NEBL: variants seen among roughly 807,000 people sequenced by gnomAD.
NEBL encodes the protein nebulette, also known as LIM and SH3 protein 2.
A neutral mutation model predicts 140.2 loss-of-function variants in NEBL; 122 were observed. The observed-to-expected ratio is 0.87, with a 90% CI of 0.75 to 1.01. The LOEUF is 1.01. Ranked by LOEUF, NEBL falls within the 50% of genes least tolerant of loss-of-function variation. The pLI is 0.00. For missense variants in NEBL, 1,365 were observed against 1,231.3 expected (o/e 1.11, Z -1.62); for synonymous variants, 436 against 398.9 (o/e 1.09, Z -1.11).
At chr10:21,147,438 G>A (rs1405905298) in intron 2 of NEBL, among the ~76,000 whole-genome samples, 1 of 148,540 alleles carries the variant, frequency 6.7e-6, no homozygotes, top group East Asian at 2.0e-4. Context: ...CAAAGGAGGA[G>A]CCTCCCTTCA....
chr10:20,809,969 C>T, intron 24 of NEBL, 71 bp from the exon 25 acceptor site: 1 of 908,344 alleles, frequency 1.1e-6, no homozygotes, highest in African/African-American at 1.7e-5. Flanking sequence ...AAAAAAAAGC[C>T]AGTACCCAAA....
intron 2 of NEBL, chr10:21,126,127 T>C (rs1838819806): frequency 6.2e-7 from 1 of 1,602,292 alleles, no homozygotes; most frequent in Non-Finnish European, 8.5e-7. Context: ...ACCAGGCCTA[T>C]GGGATAAAGT....
chr10:21,042,094 C>G (rs1834295564), intron 2 of NEBL, among the ~76,000 whole-genome samples: 1 of 152,178 alleles, frequency 6.6e-6, no homozygotes. Flanking sequence ...CATCCTGTGA[C>G]TAAGAATGCC....
chr10:21,274,651 C>T (rs1316969408), intron 1 of NEBL, among the ~76,000 whole-genome samples: 1 of 152,098 alleles, frequency 6.6e-6, no homozygotes, highest in Non-Finnish European at 1.5e-5. Context: ...GTCTCGAACC[C>T]CTGGCCTCAA....
intron 2 of NEBL, among the ~76,000 whole-genome samples, chr10:21,108,632 T>C (rs1837829151): frequency 6.6e-6 from 1 of 152,186 alleles, no homozygotes; most frequent in Non-Finnish European, 1.5e-5. Flanking sequence ...GAAGAATGTA[T>C]ATTCAATTGA....
intron 2 of NEBL, chr10:21,030,508 G>A: frequency 1.2e-6 from 1 of 814,222 alleles, no homozygotes; most frequent in Non-Finnish European, 2.1e-6. Flanking sequence ...CACCAAAGGA[G>A]AATGCTTGGT....
chr10:21,086,583 G>A (rs939577733), intron 2 of NEBL, among the ~76,000 whole-genome samples: 1 of 152,132 alleles, frequency 6.6e-6, no homozygotes, highest in Non-Finnish European at 1.5e-5. Context: ...TTTGAGACCA[G>A]CCAGAGCAAC....
At position 20,939,566 on chromosome 10, in the gene NEBL, T is replaced by A. The variant is rs568647507; in HGVS notation, c.357+22106A>T. On this transcript the variant is annotated intron_variant, in intron 4 of 6. Transcript: ENST00000417816. Reference sequence around the variant, plus strand: ...ACCAACTAACATCATAATGACAGGATCAAATTCACACATAACAATATTAAC... The same window carrying A: ...ACCAACTAACATCATAATGACAGGAACAAATTCACACATAACAATATTAAC... 2.6e-5 allele frequency among the ~76,000 whole-genome samples: 4 copies of A among 152,208 alleles called. No individual in the cohort carries two copies. In the East Asian group the frequency reaches 7.7e-4, roughly 29 times the overall value.
chr10:20,859,576 A>G (rs1843444420), intron 8 of NEBL, 137 bp downstream of exon 8: 2 of 598,966 alleles, frequency 3.3e-6, no homozygotes, highest in Non-Finnish European at 5.9e-6. Flanking sequence ...TTTCTCAGAA[A>G]AAGCTTTAGA....
At chr10:21,043,863 A>C (rs1047706127) in intron 2 of NEBL, among the ~76,000 whole-genome samples, 2 of 152,210 alleles carry the variant, frequency 1.3e-5, no homozygotes, top group African/African-American at 4.8e-5. Flanking sequence ...ATCTATTATA[A>C]AATTTAAAAA....
chr10:21,186,908 CT>C (rs1043304241), intron 3 of NEBL, among the ~76,000 whole-genome samples: 15 of 150,672 alleles, frequency 1.0e-4, no homozygotes, highest in African/African-American at 3.7e-4. Flanking sequence ...TAGGAATGTG[CT>C]TTTTTTCTGA....
At position 20,971,200 on chromosome 10, in the gene NEBL, C is replaced by G. The variant is rs138715725; in HGVS notation, c.250-9421G>C. Among the ~76,000 whole-genome samples, 155 of 152,154 alleles carry G rather than the reference C, an allele frequency of 1.0e-3. 2 individuals are homozygous for G. The highest frequency in any genetic ancestry group is 1.8e-3 in the Non-Finnish European group (124 of 67,992). ...GGAAATACCATTGCCAAAATGGTAG[C>G]ACTGGCAAAAATACTAATTCAAGGC... On this transcript the variant is annotated intron_variant, in intron 3 of 6. Transcript: ENST00000417816.
At chr10:20,965,074 T>C (rs1836239120) in intron 3 of NEBL, among the ~76,000 whole-genome samples, 1 of 152,226 alleles carries the variant, frequency 6.6e-6, no homozygotes, top group South Asian at 2.1e-4. Context: ...AACAGCAGAT[T>C]CTATCAAGGA....
At chr10:20,823,138 A>G (rs1839512673) in intron 19 of NEBL, 70 bp downstream of exon 19, 1 of 1,158,330 alleles carries the variant, frequency 8.6e-7, no homozygotes, top group Admixed American at 1.9e-5. Context: ...TGACCTGTAC[A>G]GGTTTTATGC....
At chr10:21,258,714 TAATA>T (rs1258247175) in intron 1 of NEBL, among the ~76,000 whole-genome samples, 1 of 148,154 alleles carries the variant, frequency 6.7e-6, no homozygotes, top group African/African-American at 2.5e-5. Flanking sequence ...TCAAAAAAAA[TAATA>T]AATAAAAATA....
intron 4 of NEBL, among the ~76,000 whole-genome samples, chr10:20,947,185 C>T (rs1359635838): frequency 2.0e-5 from 3 of 152,160 alleles, no homozygotes; most frequent in African/African-American, 4.8e-5. Flanking sequence ...TTCAAAGAGT[C>T]ATATGTCGAA....
At chr10:21,205,483 T>C (rs1011109591) in intron 3 of NEBL, among the ~76,000 whole-genome samples, 1 of 152,172 alleles carries the variant, frequency 6.6e-6, no homozygotes, top group South Asian at 2.1e-4. Context: ...CTATTAAAAG[T>C]GACATTGCAG....
chr10:20,787,760 C>T (rs1835553944), intron 26 of NEBL, among the ~76,000 whole-genome samples: 1 of 152,100 alleles, frequency 6.6e-6, no homozygotes, highest in Non-Finnish European at 1.5e-5. Flanking sequence ...AGACATACAG[C>T]TGAATGTTAC....
chr10:21,206,531 C>T (rs1841827569), intron 3 of NEBL, among the ~76,000 whole-genome samples: 4 of 152,138 alleles, frequency 2.6e-5, no homozygotes, highest in Non-Finnish European at 5.9e-5. Context: ...CCTCACCCTC[C>T]CTTACTGTAA....
Sources: gnomAD v4.1 joint callset for allele counts (sites outside exome capture counted in the v4.1 genomes callset) on GRCh38, gnomAD v4.1.1 for gene constraint, MANE v1.5 for transcripts, NCBI Gene and HGNC (gene_info 2026-07-23, HGNC 2026-07-21) for gene names.